The following MDGA2 variants were observed in gnomAD, a reference collection of about 807,000 sequenced individuals.
MDGA2 encodes MAM domain containing glycosylphosphatidylinositol anchor 2.
A neutral mutation model predicts 117.8 loss-of-function variants in MDGA2; 40 were observed. The ratio of observed to expected loss-of-function variants is 0.34; its 90% CI spans 0.26 to 0.44. The LOEUF (loss-of-function observed/expected upper bound fraction) is 0.44, where lower values mean the gene tolerates loss of function less well. Ranked by LOEUF, MDGA2 falls within the 20% of genes least tolerant of loss-of-function variation. The pLI, the probability that MDGA2 is intolerant of heterozygous loss-of-function variation, is 1.00. For synonymous variants in MDGA2, 452 were observed against 439.0 expected (o/e 1.03, Z -0.37); for missense variants, 1,123 against 1,250.6 (o/e 0.90, Z 1.54).
chr14:47,107,460 G>A (rs945490559), intron 5 of MDGA2, among the ~76,000 whole-genome samples: 5 of 151,798 alleles, frequency 3.3e-5, no homozygotes, highest in Non-Finnish European at 7.4e-5. Context: ...CTATTCCTTT[G>A]CACCCTTAAT....
chr14:47,562,159 G>C (rs1194913173), intron 1 of MDGA2, among the ~76,000 whole-genome samples: 1 of 152,134 alleles, frequency 6.6e-6, no homozygotes, highest in East Asian at 1.9e-4. Flanking sequence ...TGGCATCTAA[G>C]TTCTTCAAGG....
chr14:47,463,024 T>TGC (rs914263414), intron 1 of MDGA2, among the ~76,000 whole-genome samples: 3 of 152,170 alleles, frequency 2.0e-5, no homozygotes, highest in African/African-American at 7.2e-5. Flanking sequence ...TGTGTGTGTG[T>TGC]GCATGTGTGT....
intron 10 of MDGA2, among the ~76,000 whole-genome samples, chr14:46,900,376 A>G (rs573430121): frequency 1.3e-5 from 2 of 152,272 alleles, no homozygotes; most frequent in East Asian, 3.9e-4. Context: ...CCAGAGAAAC[A>G]AGTATTTATT....
intron 8 of MDGA2, among the ~76,000 whole-genome samples, chr14:47,029,758 T>C (rs905981710): frequency 2.0e-5 from 3 of 152,204 alleles, no homozygotes; most frequent in Non-Finnish European, 2.9e-5. Flanking sequence ...AGTATACTTA[T>C]ATAATACAGA....
chr14:47,075,543 C>T (rs762898068), intron 6 of MDGA2, among the ~76,000 whole-genome samples: 1 of 152,092 alleles, frequency 6.6e-6, no homozygotes, highest in African/African-American at 2.4e-5. Flanking sequence ...TCAATGAAAT[C>T]GTATTTTGTC....
At chr14:47,563,795 A>G (rs1895866505) in intron 1 of MDGA2, among the ~76,000 whole-genome samples, 1 of 151,928 alleles carries the variant, frequency 6.6e-6, no homozygotes, top group Admixed American at 6.6e-5. Flanking sequence ...TGTTCCTGTC[A>G]TCATGTTGTT....
At chr14:47,343,256 G>A (rs990033935) in intron 1 of MDGA2, 1 of 1,144,974 alleles carries the variant, frequency 8.7e-7, no homozygotes, top group Non-Finnish European at 1.1e-6. Context: ...ATCGAATTCC[G>A]GGCATTGTAT....
chr14:47,143,301 T>G (rs931744297), intron 4 of MDGA2, among the ~76,000 whole-genome samples: 3 of 152,156 alleles, frequency 2.0e-5, no homozygotes, highest in Admixed American at 1.3e-4. Flanking sequence ...TTAAAATTAT[T>G]TTTCATTATC....
chr14:47,514,467 T>C (rs1894710739), intron 1 of MDGA2, among the ~76,000 whole-genome samples: 1 of 152,162 alleles, frequency 6.6e-6, no homozygotes, highest in Non-Finnish European at 1.5e-5. Context: ...TAGATGTCTC[T>C]AATCTTTGTT....
intron 3 of MDGA2, among the ~76,000 whole-genome samples, chr14:47,203,672 G>A (rs1885586619): frequency 6.6e-6 from 1 of 151,926 alleles, no homozygotes; most frequent in African/African-American, 2.4e-5. Flanking sequence ...GGAGGCAGAA[G>A]GCTTTGTGAA....
At chr14:47,641,714 T>A (rs1348049310) in intron 1 of MDGA2, among the ~76,000 whole-genome samples, 2 of 152,140 alleles carry the variant, frequency 1.3e-5, no homozygotes, top group African/African-American at 4.8e-5. Context: ...TGAACATTTG[T>A]GATAACACAA....
intron 1 of MDGA2, among the ~76,000 whole-genome samples, chr14:47,358,463 C>G (rs1891043572): frequency 6.6e-6 from 1 of 152,144 alleles, no homozygotes; most frequent in African/African-American, 2.4e-5. Flanking sequence ...AAAGTACTAG[C>G]AAGAGCGATC....
chr14:47,599,581 T>C (rs1411976057), intron 1 of MDGA2, among the ~76,000 whole-genome samples: 1 of 152,198 alleles, frequency 6.6e-6, no homozygotes, highest in South Asian at 2.1e-4. Flanking sequence ...TGACTTTGCC[T>C]CCATTTCCCC....
At chr14:47,286,781 C>G (rs1031318008) in intron 2 of MDGA2, among the ~76,000 whole-genome samples, 5 of 122,394 alleles carry the variant, frequency 4.1e-5, no homozygotes, top group African/African-American at 1.1e-4. Flanking sequence ...AGCCACAAAC[C>G]AGGACTATCT....
At chr14:47,058,927 A>C in intron 7 of MDGA2, 1 of 971,750 alleles carries the variant, frequency 1.0e-6, no homozygotes, top group Non-Finnish European at 1.2e-6. Context: ...TAGTGAGTTT[A>C]TTAATTTTTG....
intron 3 of MDGA2, among the ~76,000 whole-genome samples, chr14:47,212,414 C>T (rs561387001): frequency 3.3e-5 from 5 of 152,234 alleles, no homozygotes; most frequent in African/African-American, 1.2e-4. Context: ...CACATCTGTA[C>T]TTTATTAATT....
chr14:47,380,173 G>C (rs1891580674), intron 1 of MDGA2, among the ~76,000 whole-genome samples: 1 of 152,132 alleles, frequency 6.6e-6, no homozygotes, highest in South Asian at 2.1e-4. Context: ...TGAAACCAAT[G>C]AGAACAAAGA....
chr14:46,918,734 A>C (rs1342719339), intron 10 of MDGA2, among the ~76,000 whole-genome samples: 4 of 149,574 alleles, frequency 2.7e-5, no homozygotes, highest in African/African-American at 1.0e-4. Flanking sequence ...AACAGGGTGA[A>C]TAAGAATATG....
rs1880807247 is a variant in MDGA2 at position 46,845,683 on chromosome 14, T to A, written c.2989+83A>T. ...AACCAACTAAAAATAACTCCGTTTT[T>A]AAAATTAATTAAATTAAATGTTAAT... On this transcript the variant is annotated intron_variant, in intron 16 of 16. Coordinates refer to ENST00000399232, the MANE Select transcript of MDGA2 (RefSeq NM_001113498.3). 4.8e-6 allele frequency: 4 copies of A among 840,242 alleles called. No individual in the cohort carries two copies. The East Asian group carries it at 8.6e-5, about 18-fold the overall frequency. The allele number at this position is 840,242 out of a possible 1,614,324, so 52.0% of individuals were successfully genotyped here.
Sources: gnomAD v4.1 joint callset for allele counts (sites outside exome capture counted in the v4.1 genomes callset) on GRCh38, gnomAD v4.1.1 for gene constraint, MANE v1.5 for transcripts, NCBI Gene and HGNC (gene_info 2026-07-23, HGNC 2026-07-21) for gene names.